The following BACH1 variants were observed in gnomAD, a reference collection of about 807,000 sequenced individuals.
BACH1 encodes BTB domain and CNC homolog 1.
A neutral mutation model predicts 52.9 loss-of-function variants in BACH1; 35 were observed. That is an observed-to-expected ratio of 0.66 (90% CI 0.51 to 0.88). The LOEUF is 0.88. Ranked by LOEUF, BACH1 falls within the 40% of genes least tolerant of loss-of-function variation. BACH1 has a pLI of 0.00. For synonymous variants in BACH1, 321 were observed against 319.6 expected (o/e 1.00, Z -0.05); for missense variants, 808 against 872.6 (o/e 0.93, Z 0.93).
intron 1 of BACH1, among the ~76,000 whole-genome samples, chr21:29,304,465 C>G (rs1326531448): frequency 6.6e-6 from 1 of 152,054 alleles, no homozygotes; most frequent in African/African-American, 2.4e-5. Flanking sequence ...GTTTTTTTCA[C>G]TTTTTAAATT....
At chr21:29,338,324 G>A (rs1031869759) in intron 4 of BACH1, among the ~76,000 whole-genome samples, 6 of 152,062 alleles carry the variant, frequency 3.9e-5, no homozygotes, top group African/African-American at 1.4e-4. Flanking sequence ...AAATATTTGT[G>A]TTACCAATTT....
At position 29,343,007 on chromosome 21, in the gene BACH1, CAAAG is replaced by C. The variant is rs2089133592; in HGVS notation, c.*178_*181del. 1 of 619,936 alleles carries C rather than the reference CAAAG, an allele frequency of 1.6e-6. No individual in the cohort carries two copies. Among genetic ancestry groups the C allele is most frequent in the Non-Finnish European group, 2.5e-6 (1 of 395,880 alleles). 38.4% of individuals were successfully genotyped at this position (619,936 alleles called of 1,614,324 possible). Reference sequence around the variant, plus strand: ...ATTTCTCCTTGATTTCTACAAGAGACAAAGAAATGATTTTGCCTCCTGGATATCA... The same window carrying C: ...ATTTCTCCTTGATTTCTACAAGAGACAAATGATTTTGCCTCCTGGATATCA... On this transcript the variant is annotated 3_prime_UTR_variant, in exon 5 of 5. Coordinates refer to ENST00000286800, the MANE Select transcript of BACH1 (RefSeq NM_001186.4).
Position 29,321,461 on chromosome 21 carries a change from T to C in BACH1, c.181T>C (p.Ser61Pro). 1.9e-6 allele frequency: 3 copies of C among 1,614,188 alleles called. No homozygotes were observed. Among genetic ancestry groups the C allele is most frequent in the Non-Finnish European group, 2.5e-6 (3 of 1,180,026 alleles). The part of the protein sequence containing the change: ...VLAACSSYFH[S>P]RIVGQADGEL... ...GGCGGCATGCAGCAGTTACTTCCAC[T>C]CAAGAATCGTAGGCCAGGCTGATGG... Residue 61 changes from serine (S) to proline (P), a missense_variant, in exon 2 of 5, where the codon TCA becomes CCA. Physicochemically the swap from Ser to Pro is moderately conservative, Grantham distance 74. Transcript: ENST00000286800.
intron 2 of BACH1, among the ~76,000 whole-genome samples, chr21:29,360,466 C>A (rs1186802589): frequency 6.6e-6 from 1 of 152,188 alleles, no homozygotes. Flanking sequence ...ATTCCCAGGC[C>A]CCTGTCCTCT....
At position 29,342,521 on chromosome 21, in the gene BACH1, A is replaced by G. The variant is rs780839012; in HGVS notation, c.1899A>G (p.Glu633=). Residue 633 remains glutamate, a synonymous_variant, in exon 5 of 5, where the codon GAA becomes GAG. Transcript: ENST00000286800. The part of the protein sequence containing the change: ...KVCKEAALSQ[E]QIQILAKYSA... The stretch of plus-strand genomic sequence containing the variant: ...GTAAAGAAGCAGCTCTGAGTCAAGA[A>G]CAAATACAGATACTCGCCAAGTACT... 6.8e-6 allele frequency: 11 copies of G among 1,614,140 alleles called. No homozygotes were observed. Among genetic ancestry groups the G allele is most frequent in the Non-Finnish European group, 9.3e-6 (11 of 1,180,056 alleles).
At position 29,321,391 on chromosome 21, in the gene BACH1, C is replaced by T; in HGVS notation, c.111C>T (p.Thr37=). ...QRKKDVLCDV[T]IFVEGQRFRA... is the part of the protein sequence containing the mutation. The stretch of plus-strand genomic sequence containing the variant: ...AGAAAGATGTGCTGTGCGATGTCAC[C>T]ATCTTTGTGGAGGGACAGCGGTTCC... Residue 37 remains threonine, a synonymous_variant, in exon 2 of 5, where the codon ACC becomes ACT. Coordinates refer to ENST00000286800, the MANE Select transcript of BACH1 (RefSeq NM_001186.4). The T allele has an allele frequency of 6.2e-7, 1 of 1,614,246 alleles. No homozygotes were observed. The highest frequency in any genetic ancestry group is 8.5e-7 in the Non-Finnish European group (1 of 1,180,048).
In BACH1 at chr21:29,329,668, A is replaced by G. The variant is rs766784816; in HGVS notation, c.1751A>G (p.Asn584Ser). ...AAGAGAAAACTTGACTGTATACAGA[A>G]TCTTGAATCAGAAATTGAGAAGCTG... ...CRKRKLDCIQ[N>S]LESEIEKLQS... The change falls in exon 4 of 5, where the codon AAT (asparagine) becomes AGT (serine). Residue 584 changes from asparagine to serine, a missense_variant. Coordinates refer to ENST00000286800, the MANE Select transcript of BACH1 (RefSeq NM_001186.4). 6.5e-7 allele frequency: 1 copy of G among 1,539,380 alleles called. No individual in the cohort carries two copies. Among genetic ancestry groups the G allele is most frequent in the Non-Finnish European group, 8.7e-7 (1 of 1,145,948 alleles).
At chr21:29,337,667 G>A (rs901783015) in intron 4 of BACH1, among the ~76,000 whole-genome samples, 3 of 152,146 alleles carry the variant, frequency 2.0e-5, no homozygotes, top group African/African-American at 7.2e-5. Flanking sequence ...CTTGGACACA[G>A]GGTGGGGAAC....
intron 1 of BACH1, among the ~76,000 whole-genome samples, chr21:29,314,038 C>T (rs2088758908): frequency 6.6e-6 from 1 of 152,162 alleles, no homozygotes; most frequent in South Asian, 2.1e-4. Context: ...AATATGTATT[C>T]AGTAAAAAAG....
intron 1 of BACH1, among the ~76,000 whole-genome samples, chr21:29,318,293 C>T (rs980524005): frequency 6.6e-6 from 1 of 152,078 alleles, no homozygotes; most frequent in South Asian, 2.1e-4. Context: ...AGAGGTGGAC[C>T]CCAGTGCTAA....
intron 1 of BACH1, among the ~76,000 whole-genome samples, chr21:29,317,355 A>G (rs1601347038): frequency 6.6e-6 from 1 of 152,222 alleles, no homozygotes; most frequent in Non-Finnish European, 1.5e-5. Context: ...CAGGTCCAAC[A>G]GGTATGCTTG....
At chr21:29,335,483 T>G (rs949288195) in intron 4 of BACH1, among the ~76,000 whole-genome samples, 4 of 152,166 alleles carry the variant, frequency 2.6e-5, no homozygotes, top group African/African-American at 9.7e-5. Context: ...CTCACTTACT[T>G]ACAGTCTCAT....
chr21:29,355,023 A>G (rs1230051744), intron 2 of BACH1, among the ~76,000 whole-genome samples: 1 of 152,222 alleles, frequency 6.6e-6, no homozygotes. Flanking sequence ...TTTATTGTGA[A>G]GAGTGAAAGA....
chr21:29,351,374 G>T (rs1196841807), intron 2 of BACH1, among the ~76,000 whole-genome samples: 1 of 152,180 alleles, frequency 6.6e-6, no homozygotes, highest in Non-Finnish European at 1.5e-5. Context: ...GAAACTGACA[G>T]TAGTTCTGTT....
At chr21:29,320,202 G>A (rs1242707567) in intron 1 of BACH1, among the ~76,000 whole-genome samples, 1 of 152,200 alleles carries the variant, frequency 6.6e-6, no homozygotes, top group Non-Finnish European at 1.5e-5. Context: ...GAACAGAAGT[G>A]AATGACGCAG....
intron 2 of BACH1, among the ~76,000 whole-genome samples, chr21:29,360,306 T>A (rs1023433423): frequency 2.6e-5 from 4 of 152,210 alleles, no homozygotes; most frequent in Non-Finnish European, 5.9e-5. Context: ...TTGAGACCTG[T>A]CTCAAATACT....
intron 1 of BACH1, among the ~76,000 whole-genome samples, chr21:29,307,769 A>C (rs2088675913): frequency 6.6e-6 from 1 of 152,202 alleles, no homozygotes; most frequent in Admixed American, 6.5e-5. Context: ...TGTTGTTACA[A>C]GTATGATCAC....
downstream of BACH1, among the ~76,000 whole-genome samples, chr21:29,346,406 C>A (rs2089168485): frequency 6.6e-6 from 1 of 152,196 alleles, no homozygotes; most frequent in South Asian, 2.1e-4. Flanking sequence ...CTCTATCAGT[C>A]ATTAAGTTTT....
Position 29,329,631 on chromosome 21 carries a change from C to T in BACH1, c.1714C>T (p.Gln572Ter). ...AAGAAGTAAAAACAGAATTGCTGCA[C>T]AGCGCTGTCGCAAGAGAAAACTTGA... ...RRRSKNRIAA[Q>*]RCRKRKLDCI... Residue 572 changes from glutamine to a stop codon, truncating the protein, a stop_gained, in exon 4 of 5, where the codon CAG becomes TAG. Coordinates refer to ENST00000286800, the MANE Select transcript of BACH1 (RefSeq NM_001186.4). LOFTEE classifies it high-confidence loss of function. 1 of 1,604,298 alleles carries T rather than the reference C, an allele frequency of 6.2e-7. No individual in the cohort carries two copies. Among genetic ancestry groups the T allele is most frequent in the Non-Finnish European group, 8.5e-7 (1 of 1,176,250 alleles).
Sources: gnomAD v4.1 joint callset for allele counts (sites outside exome capture counted in the v4.1 genomes callset) on GRCh38, gnomAD v4.1.1 for gene constraint, MANE v1.5 for transcripts, NCBI Gene and HGNC (gene_info 2026-07-23, HGNC 2026-07-21) for gene names.